GALNT13: variants seen among roughly 807,000 people sequenced by gnomAD.
GALNT13 encodes the protein polypeptide N-acetylgalactosaminyltransferase 13, also known as UDP-GalNAc:polypeptide N-acetylgalactosaminyltransferase 13.
In GALNT13, 28 loss-of-function variants were observed where a neutral mutation model predicts 64.2. The observed-to-expected ratio is 0.44, with a 90% confidence interval of 0.32 to 0.60. The LOEUF (loss-of-function observed/expected upper bound fraction) is 0.60. Among genes scored for constraint, GALNT13 ranks in the 20% least tolerant of loss-of-function variants. The pLI, the probability that GALNT13 is intolerant of heterozygous loss-of-function variation, is 0.05. For synonymous variants in GALNT13, 214 were observed against 224.6 expected (o/e 0.95, Z 0.42); for missense variants, 577 against 669.8 (o/e 0.86, Z 1.53).
chr2:153,320,635 T>C, the GALNT13 span, among the ~76,000 whole-genome samples: 1 of 152,182 alleles, frequency 6.6e-6, no homozygotes, highest in Non-Finnish European at 1.5e-5. Flanking sequence ...TTGCATGGAA[T>C]TGTAATATCT....
At chr2:153,578,303 A>G in the GALNT13 span, among the ~76,000 whole-genome samples, 3 of 152,206 alleles carry the variant, frequency 2.0e-5, no homozygotes, top group Non-Finnish European at 4.4e-5. Context: ...TTTAACCTTA[A>G]GCTTTCTTCT....
intron 11 of GALNT13, among the ~76,000 whole-genome samples, chr2:154,431,029 C>G (rs1700687670): frequency 6.6e-6 from 1 of 152,216 alleles, no homozygotes; most frequent in Middle Eastern, 3.4e-3. Context: ...ATTCATGTGC[C>G]TTGCTTTAAA....
chr2:153,315,665 A>G, the GALNT13 span, among the ~76,000 whole-genome samples: 3 of 152,354 alleles, frequency 2.0e-5, no homozygotes, highest in South Asian at 2.1e-4. Flanking sequence ...TCTAGAGAAC[A>G]TGAACAATTA....
At chr2:153,894,893 G>C (rs1331919003) in intron 1 of GALNT13, among the ~76,000 whole-genome samples, 1 of 152,124 alleles carries the variant, frequency 6.6e-6, no homozygotes, top group Non-Finnish European at 1.5e-5. Flanking sequence ...AGAATATGTA[G>C]TCTTGTGTAA....
intron 10 of GALNT13, among the ~76,000 whole-genome samples, chr2:154,405,462 A>G (rs1036696080): frequency 2.0e-5 from 3 of 151,852 alleles, no homozygotes; most frequent in African/African-American, 7.3e-5. Flanking sequence ...ATTAATAACT[A>G]TAGGCAGGGT....
chr2:153,786,952 A>C, the GALNT13 span, among the ~76,000 whole-genome samples: 23 of 152,252 alleles, frequency 1.5e-4, no homozygotes, highest in Admixed American at 7.2e-4. Context: ...TCGGGTCCAC[A>C]GCACAGGACC....
chr2:154,179,823 A>AT (rs1215533446), intron 4 of GALNT13, among the ~76,000 whole-genome samples: 1 of 94,342 alleles, frequency 1.1e-5, no homozygotes, highest in Non-Finnish European at 2.1e-5. Flanking sequence ...CTCTTCCATG[A>AT]TAAAAAAAAA....
intron 2 of GALNT13, among the ~76,000 whole-genome samples, chr2:153,938,989 T>C (rs529217621): frequency 6.6e-6 from 1 of 152,162 alleles, no homozygotes; most frequent in Admixed American, 6.5e-5. Context: ...AGAGAGGGCG[T>C]ATGTAAGAGA....
intron 8 of GALNT13, among the ~76,000 whole-genome samples, chr2:154,260,168 G>A (rs1690618706): frequency 6.6e-6 from 1 of 152,030 alleles, no homozygotes; most frequent in Non-Finnish European, 1.5e-5. Context: ...TTACAGGCAT[G>A]AGCCACCACA....
At chr2:154,158,023 T>G (rs1684523679) in intron 4 of GALNT13, among the ~76,000 whole-genome samples, 1 of 152,204 alleles carries the variant, frequency 6.6e-6, no homozygotes, top group South Asian at 2.1e-4. Flanking sequence ...GGTAATGAGC[T>G]GGCTGATTTT....
the GALNT13 span, among the ~76,000 whole-genome samples, chr2:153,390,241 C>T: frequency 6.6e-6 from 1 of 152,118 alleles, no homozygotes; most frequent in African/African-American, 2.4e-5. Flanking sequence ...TGTTCTCACT[C>T]ATAAGTGGGA....
chr2:154,186,994 C>A (rs187985654), intron 4 of GALNT13, among the ~76,000 whole-genome samples: 158 of 151,638 alleles, frequency 1.0e-3, no homozygotes, highest in Non-Finnish European at 1.7e-3. Context: ...CAAAAAAAAA[C>A]CCCCAGTTTA....
intron 2 of GALNT13, among the ~76,000 whole-genome samples, chr2:153,915,491 G>T (rs545432522): frequency 1.3e-5 from 2 of 152,032 alleles, no homozygotes; most frequent in Middle Eastern, 3.4e-3. Flanking sequence ...TACTTTCATG[G>T]TGACTACCTC....
intron 3 of GALNT13, among the ~76,000 whole-genome samples, chr2:154,136,760 CTA>C (rs1383225676): frequency 3.3e-5 from 5 of 151,894 alleles, no homozygotes; most frequent in African/African-American, 1.2e-4. Flanking sequence ...AATAATTTCA[CTA>C]TATAATTAGG....
chr2:154,267,708 G>A (rs555297244), intron 8 of GALNT13, among the ~76,000 whole-genome samples: 1 of 151,662 alleles, frequency 6.6e-6, no homozygotes, highest in Admixed American at 6.6e-5. Context: ...AGAAGTGAAG[G>A]CACTGACAGA....
chr2:154,436,404 A>G (rs1700974846), intron 11 of GALNT13: 1 of 152,198 alleles, frequency 6.6e-6, no homozygotes, highest in Non-Finnish European at 1.5e-5. Flanking sequence ...AAGACACTGG[A>G]GAAGAATACA....
the GALNT13 span, among the ~76,000 whole-genome samples, chr2:153,267,134 C>T: frequency 6.6e-6 from 1 of 152,250 alleles, no homozygotes; most frequent in Non-Finnish European, 1.5e-5. Flanking sequence ...CTGTGTGTCA[C>T]ATCCAGATTG....
At chr2:154,447,415 A>G (rs899891728) in intron 12 of GALNT13, among the ~76,000 whole-genome samples, 1 of 151,942 alleles carries the variant, frequency 6.6e-6, no homozygotes, top group Non-Finnish European at 1.5e-5. Flanking sequence ...ATTTGTGACT[A>G]TCTTTTCAGC....
chr2:153,712,807 T>C, the GALNT13 span, among the ~76,000 whole-genome samples: 12 of 152,202 alleles, frequency 7.9e-5, no homozygotes, highest in African/African-American at 2.7e-4. Flanking sequence ...AGGTAGTCAG[T>C]ATCTAACCAC....
Sources: allele counts gnomAD v4.1 joint callset (sites outside exome capture counted in the v4.1 genomes callset), GRCh38; gene constraint gnomAD v4.1.1; transcripts MANE v1.5; gene names NCBI Gene and HGNC (gene_info 2026-07-23, HGNC 2026-07-21).